GRM8: variants seen among roughly 807,000 people sequenced by gnomAD.
GRM8 encodes glutamate metabotropic receptor 8, also known as metabotropic glutamate receptor 8.
In GRM8, 47 loss-of-function variants were observed where a neutral mutation model predicts 87.2. The observed-to-expected ratio is 0.54, with a 90% CI of 0.43 to 0.69. GRM8 has a LOEUF of 0.69. GRM8 is among the 30% of genes least tolerant of loss of function. GRM8 has a pLI of 0.00. For missense variants in GRM8, 1,019 were observed against 1,139.2 expected (o/e 0.89, Z 1.52); for synonymous variants, 396 against 404.5 (o/e 0.98, Z 0.25).
intron 3 of GRM8, among the ~76,000 whole-genome samples, chr7:126,972,036 G>A (rs577679695): frequency 6.6e-5 from 10 of 152,306 alleles, no homozygotes; most frequent in African/African-American, 2.4e-4. Context: ...GCAGGTCACT[G>A]TAGCCGAATA....
At chr7:127,134,418 C>T (rs1326230477) in intron 2 of GRM8, among the ~76,000 whole-genome samples, 1 of 152,216 alleles carries the variant, frequency 6.6e-6, no homozygotes, top group African/African-American at 2.4e-5. Context: ...ATCACCTTGA[C>T]TTGTTAAATC....
At chr7:126,654,625 T>G (rs1333926500) in intron 7 of GRM8, among the ~76,000 whole-genome samples, 1 of 152,214 alleles carries the variant, frequency 6.6e-6, no homozygotes, top group Non-Finnish European at 1.5e-5. Context: ...TAGCGGCTTA[T>G]CAGCATGAAA....
At chr7:126,439,862 GT>G (rs981432232) in intron 10 of GRM8, among the ~76,000 whole-genome samples, 1 of 150,888 alleles carries the variant, frequency 6.6e-6, no homozygotes, top group Admixed American at 6.6e-5. Flanking sequence ...GTGTGTCTTA[GT>G]TTTTAATACA....
rs145893444 is a variant in GRM8 at position 127,033,875 on chromosome 7, T to C, written c.727+72621A>G. Among the ~76,000 whole-genome samples, 724 of 152,340 alleles carry C rather than the reference T, an allele frequency of 4.8e-3. 5 individuals are homozygous for C. The highest frequency in any genetic ancestry group is 0.017 in the African/African-American group (694 of 41,588). On this transcript the variant is annotated intron_variant, in intron 3 of 10. Transcript: ENST00000339582. ...GTGTAAACACATTGCTTTTAATCTA[T>C]TCAATTATTTCCCCATAAGCACTAA...
intron 2 of GRM8, among the ~76,000 whole-genome samples, chr7:127,121,508 A>G (rs2133181803): frequency 6.6e-6 from 1 of 152,266 alleles, no homozygotes; most frequent in South Asian, 2.1e-4. Flanking sequence ...CTCCGTGGTT[A>G]TCTCCTCTGT....
intron 2 of GRM8, among the ~76,000 whole-genome samples, chr7:127,119,373 C>G (rs950857112): frequency 1.3e-5 from 2 of 152,036 alleles, no homozygotes; most frequent in African/African-American, 2.4e-5. Flanking sequence ...GTAGTCCTAG[C>G]TACTCAAGAG....
intron 6 of GRM8, among the ~76,000 whole-genome samples, chr7:126,882,094 C>T (rs1432424392): frequency 1.3e-5 from 2 of 152,170 alleles, no homozygotes; most frequent in African/African-American, 4.8e-5. Flanking sequence ...CTCTTCCTTC[C>T]ACTCAGTAAC....
chr7:126,493,933 G>A (rs1017842274), intron 9 of GRM8, among the ~76,000 whole-genome samples: 1 of 151,950 alleles, frequency 6.6e-6, no homozygotes, highest in Non-Finnish European at 1.5e-5. Context: ...GGCTGTAGAA[G>A]GCTGTCATGA....
intron 8 of GRM8, among the ~76,000 whole-genome samples, chr7:126,584,789 G>A (rs954541740): frequency 6.6e-6 from 1 of 151,912 alleles, no homozygotes; most frequent in Non-Finnish European, 1.5e-5. Context: ...TAGCTTCCCT[G>A]TAGCAGAGCC....
At chr7:126,612,157 A>G (rs993856117) in intron 7 of GRM8, among the ~76,000 whole-genome samples, 1 of 152,200 alleles carries the variant, frequency 6.6e-6, no homozygotes, top group African/African-American at 2.4e-5. Flanking sequence ...TATATAAAAC[A>G]TTTAGTACAT....
At chr7:126,856,112 A>G (rs1207421699) in intron 6 of GRM8, among the ~76,000 whole-genome samples, 2 of 152,106 alleles carry the variant, frequency 1.3e-5, no homozygotes, top group Non-Finnish European at 1.5e-5. Flanking sequence ...TTCCAAAAGT[A>G]AATTCTGTCT....
At chr7:127,051,536 G>T (rs983215341) in intron 3 of GRM8, among the ~76,000 whole-genome samples, 3 of 151,958 alleles carry the variant, frequency 2.0e-5, no homozygotes, top group Non-Finnish European at 4.4e-5. Flanking sequence ...ACTCAGATCT[G>T]AAGAAACTCA....
At chr7:127,114,897 G>A (rs1243796214) in intron 2 of GRM8, among the ~76,000 whole-genome samples, 1 of 152,116 alleles carries the variant, frequency 6.6e-6, no homozygotes, top group Non-Finnish European at 1.5e-5. Context: ...ACTAAATAAA[G>A]GGACTATTTT....
intron 5 of GRM8, among the ~76,000 whole-genome samples, chr7:126,903,583 C>CTAT (rs1802322911): frequency 6.9e-6 from 1 of 145,116 alleles, no homozygotes; most frequent in African/African-American, 2.6e-5. Flanking sequence ...CACACACACA[C>CTAT]ACACACACAC....
rs199745166 is a variant in GRM8, at chr7:126,582,186, C to T, written c.1494+27176G>A. ...AAGTTATTGAAGAAAATAAAAAGTT[C>T]TACTCCAGGGAACACATAAATAATA... On this transcript the variant is annotated intron_variant, in intron 8 of 10. Transcript: ENST00000339582. 6.2e-4 allele frequency among the ~76,000 whole-genome samples: 83 copies of T among 134,878 alleles called. 1 individual carries two copies. The East Asian group carries it at 0.02, about 33-fold the overall frequency. 88.5% of individuals were successfully genotyped at this position (134,878 alleles called of 152,430 possible).
At chr7:127,166,278 T>A (rs1022020633) in intron 2 of GRM8, among the ~76,000 whole-genome samples, 1 of 152,054 alleles carries the variant, frequency 6.6e-6, no homozygotes, top group Non-Finnish European at 1.5e-5. Context: ...TCTCTGGTGA[T>A]TTTTTTTCCT....
At chr7:126,860,836 T>C (rs1367622570) in intron 6 of GRM8, among the ~76,000 whole-genome samples, 2 of 152,190 alleles carry the variant, frequency 1.3e-5, no homozygotes, top group African/African-American at 2.4e-5. Context: ...TTTTAAAATA[T>C]ACTTTTTATA....
intron 8 of GRM8, among the ~76,000 whole-genome samples, chr7:126,570,898 A>C (rs1027974749): frequency 2.0e-5 from 3 of 152,230 alleles, no homozygotes; most frequent in Non-Finnish European, 4.4e-5. Context: ...TATATTCAGA[A>C]TGTCAGCAGA....
chr7:127,110,018 A>T (rs1826202064), intron 2 of GRM8, among the ~76,000 whole-genome samples: 1 of 152,106 alleles, frequency 6.6e-6, no homozygotes, highest in Non-Finnish European at 1.5e-5. Context: ...CGACAGAAAG[A>T]AGTTAGAGTA....
Sources: allele counts gnomAD v4.1 joint callset (sites outside exome capture counted in the v4.1 genomes callset), GRCh38; gene constraint gnomAD v4.1.1; transcripts MANE v1.5; gene names NCBI Gene and HGNC (gene_info 2026-07-23, HGNC 2026-07-21).